Variants in SUPT20H observed in about 807,000 individuals in gnomAD.
The protein encoded by SUPT20H is SPT20 homolog, SAGA complex component.
Under a neutral mutation model 122.8 loss-of-function variants are expected in SUPT20H, and 82 were observed. The ratio of observed to expected loss-of-function variants is 0.67; its 90% CI spans 0.56 to 0.80. SUPT20H has a LOEUF of 0.80. Among genes scored for constraint, SUPT20H ranks in the 30% least tolerant of loss-of-function variants. The pLI, the probability that SUPT20H is intolerant of heterozygous loss-of-function variation, is 0.00. For missense variants in SUPT20H, 831 were observed against 921.6 expected, an observed-to-expected ratio of 0.90 and a Z score of 1.27; for synonymous variants, 291 against 313.0, an observed-to-expected ratio of 0.93 and a Z score of 0.74.
intron 23 of SUPT20H, among the ~76,000 whole-genome samples, chr13:37,015,523 A>G (rs1214034432): frequency 2.6e-5 from 4 of 152,104 alleles, no homozygotes; most frequent in Non-Finnish European, 5.9e-5. Flanking sequence ...AACCACCACC[A>G]GAAAATAACA....
intron 8 of SUPT20H, 32 bp downstream of exon 8, chr13:37,040,544 T>C (rs747614660): frequency 3.7e-6 from 6 of 1,602,724 alleles, no homozygotes; most frequent in South Asian, 2.2e-5. Flanking sequence ...AACTAAAATC[T>C]AAAATAGTAT....
chr13:37,022,919 TAGAAAATCTGTTGTGA>T lies in SUPT20H; in HGVS notation c.1592-855_1592-840del. 1 of 1,157,332 alleles carries T rather than the reference TAGAAAATCTGTTGTGA, an allele frequency of 8.6e-7. No homozygotes were observed. Among genetic ancestry groups the T allele is most frequent in the South Asian group, 1.7e-5 (1 of 57,214 alleles). 71.7% of individuals were successfully genotyped at this position (1,157,332 alleles called of 1,614,324 possible). On this transcript the variant is annotated intron_variant, in intron 19 of 25. Transcript: ENST00000350612. This position sits in a 1 kb window ranked among gnomAD's most constrained non-coding sequence, Gnocchi z 4.5. ...TACTTCTGTTTAAATGTAGAATGTATAGAAAATCTGTTGTGAATGAAGTATGCACAGTTTATCAATT... is the reference window on the plus strand; with the variant it reads ...TACTTCTGTTTAAATGTAGAATGTATATGAAGTATGCACAGTTTATCAATT...
At chr13:37,019,803 C>G (rs1327237251) in intron 21 of SUPT20H, among the ~76,000 whole-genome samples, 2 of 152,062 alleles carry the variant, frequency 1.3e-5, no homozygotes, top group African/African-American at 2.4e-5. Flanking sequence ...AATCATATCT[C>G]TAAGAACCGG....
intron 6 of SUPT20H, among the ~76,000 whole-genome samples, 191 bp downstream of exon 6, chr13:37,045,056 G>A (rs1410620318): frequency 6.6e-6 from 1 of 152,008 alleles, no homozygotes; most frequent in Non-Finnish European, 1.5e-5. Context: ...ATAATTGTAA[G>A]AGAGATAATT....
Position 37,026,155 on chromosome 13 carries a change from A to G in SUPT20H, c.1211+49T>C, listed in dbSNP as rs141069190. The G allele has an allele frequency of 4.2e-5, 65 of 1,534,858 alleles. No homozygotes were observed. The African/African-American group carries it at 7.8e-4, about 18-fold the overall frequency. On this transcript the variant is annotated intron_variant, in intron 16 of 25. Coordinates refer to ENST00000350612, the MANE Select transcript of SUPT20H (RefSeq NM_001014286.3). The stretch of plus-strand genomic sequence containing the variant: ...TATTCTCTATCCTATAAGGGTGAAA[A>G]ATTTTTCATATCCATCCTGACCAAA...
chr13:37,030,754 A>G (rs2139913455), intron 12 of SUPT20H, among the ~76,000 whole-genome samples: 1 of 152,330 alleles, frequency 6.6e-6, no homozygotes, highest in Middle Eastern at 3.4e-3. Flanking sequence ...TCCACCCTTC[A>G]GTATTTACAC....
intron 3 of SUPT20H, among the ~76,000 whole-genome samples, 181 bp from the exon 4 acceptor site, chr13:37,048,117 C>G (rs2066869365): frequency 6.6e-6 from 1 of 152,156 alleles, no homozygotes; most frequent in Non-Finnish European, 1.5e-5. Flanking sequence ...GAAATTTGAA[C>G]TGCACCACGA....
intron 9 of SUPT20H, among the ~76,000 whole-genome samples, chr13:37,037,012 C>T (rs1481299613): frequency 1.3e-5 from 2 of 151,710 alleles, no homozygotes; most frequent in Non-Finnish European, 2.9e-5. Flanking sequence ...CTGGGCAACA[C>T]AGTGAAATCC....
At chr13:37,009,941 A>G (rs2059298665) in intron 25 of SUPT20H, 132 bp from the exon 26 acceptor site, 1 of 1,260,126 alleles carries the variant, frequency 7.9e-7, no homozygotes, top group Admixed American at 3.1e-5. Context: ...GGACTATACC[A>G]CATTGAGACA....
intron 3 of SUPT20H, 34 bp from the exon 4 acceptor site, chr13:37,047,970 T>C: frequency 1.3e-6 from 2 of 1,571,482 alleles, no homozygotes; most frequent in Non-Finnish European, 1.7e-6. Context: ...ACAGCTTGCT[T>C]TTTGCTTTTG....
intron 21 of SUPT20H, 51 bp from the exon 22 acceptor site, chr13:37,019,448 G>T: frequency 7.5e-7 from 1 of 1,327,018 alleles, no homozygotes; most frequent in Non-Finnish European, 1.0e-6. Context: ...TATTACACAT[G>T]AAAATAATTT....
chr13:37,048,171 CA>C (rs2066883000), intron 3 of SUPT20H, among the ~76,000 whole-genome samples: 1 of 152,156 alleles, frequency 6.6e-6, no homozygotes, highest in Non-Finnish European at 1.5e-5. Flanking sequence ...CATAGTTTCA[CA>C]ACCATGACTT....
intron 2 of SUPT20H, 62 bp from the exon 3 acceptor site, chr13:37,048,661 C>A: frequency 7.1e-7 from 1 of 1,411,992 alleles, no homozygotes; most frequent in South Asian, 1.3e-5. Flanking sequence ...ATTTAATATA[C>A]ATTTAACATT....
Position 37,050,444 on chromosome 13 carries a change from G to C in SUPT20H, c.3+1044C>G, listed in dbSNP as rs1234552482. Among the ~76,000 whole-genome samples, 3 of 150,466 alleles carry C rather than the reference G, an allele frequency of 2.0e-5. No homozygotes were observed. The East Asian group carries it at 5.9e-4, about 29-fold the overall frequency. On this transcript the variant is annotated intron_variant, in intron 2 of 25. Coordinates refer to ENST00000350612, the MANE Select transcript of SUPT20H (RefSeq NM_001014286.3). ...AAGATTCCTGACTCCCATTTTCCCTGATCCCATGTTCCACCATGAAAACAT... is the reference window on the plus strand; with the variant it reads ...AAGATTCCTGACTCCCATTTTCCCTCATCCCATGTTCCACCATGAAAACAT...
At chr13:37,051,377 C>G in intron 2 of SUPT20H, 111 bp downstream of exon 2, 1 of 1,131,830 alleles carries the variant, frequency 8.8e-7, no homozygotes, top group East Asian at 2.5e-5. Flanking sequence ...GTTGGGATAA[C>G]CTGTACAGCT....
At chr13:37,029,983 A>G in intron 12 of SUPT20H, 147 bp from the exon 13 acceptor site, 1 of 578,580 alleles carries the variant, frequency 1.7e-6, no homozygotes, top group Non-Finnish European at 2.8e-6. Flanking sequence ...ACCGGTATCA[A>G]CTACTTATGC....
In SUPT20H at chr13:37,033,559, G is replaced by A; in HGVS notation, c.597C>T (p.Leu199=). The A allele has an allele frequency of 1.2e-6, 2 of 1,613,318 alleles. No individual in the cohort carries two copies. The highest frequency in any genetic ancestry group is 8.5e-7 in the Non-Finnish European group (1 of 1,179,646). ...AGAGTGGTTCAGCTGTAGCTAGGAT[G>A]AGCTGGCTCTCAAGCAAAAGTTTGT... ...QEDKLLLESQ[L]ILATAEPLCL... Residue 199 remains leucine, a synonymous_variant, in exon 10 of 26, where the codon CTC becomes CTT. Coordinates refer to ENST00000350612, the MANE Select transcript of SUPT20H (RefSeq NM_001014286.3).
chr13:37,010,646 T>A lies in SUPT20H; in HGVS notation c.2108A>T (p.Gln703Leu), dbSNP rs772174647. ...FMQSQAAVLS[Q>L]LGSAENRPEQ... is the part of the protein sequence containing the mutation. Reference sequence around the variant, plus strand: ...AGGTCTGTTCTCGGCAGAGCCAAGCTGAGACAACACTACAGAGAGGAGAAG... The same window carrying A: ...AGGTCTGTTCTCGGCAGAGCCAAGCAGAGACAACACTACAGAGAGGAGAAG... The change falls in exon 25 of 26, where the codon CAG (glutamine) becomes CTG (leucine). Residue 703 changes from glutamine to leucine, a missense_variant. Coordinates refer to ENST00000350612, the MANE Select transcript of SUPT20H (RefSeq NM_001014286.3). 6.2e-7 allele frequency: 1 copy of A among 1,613,598 alleles called. No individual in the cohort carries two copies. Among genetic ancestry groups the A allele is most frequent in the Non-Finnish European group, 8.5e-7 (1 of 1,179,756 alleles).
intron 1 of SUPT20H, among the ~76,000 whole-genome samples, chr13:37,057,669 T>G (rs2069438365): frequency 6.6e-6 from 1 of 151,474 alleles, no homozygotes; most frequent in Non-Finnish European, 1.5e-5. Context: ...ATGGGGAAAG[T>G]GTCTCTACAA....
Sources: gnomAD v4.1 joint callset for allele counts (sites outside exome capture counted in the v4.1 genomes callset) on GRCh38, gnomAD v4.1.1 for gene constraint, Gnocchi (gnomAD v3.1) non-coding constraint, MANE v1.5 for transcripts, NCBI Gene and HGNC (gene_info 2026-07-23, HGNC 2026-07-21) for gene names.